The following LHFPL1 variants were observed in gnomAD, a reference collection of about 807,000 sequenced individuals.
LHFPL1 encodes LHFPL tetraspan subfamily member 1, also known as LHFPL tetraspan subfamily member 1 protein.
LHFPL1 carries 4 observed loss-of-function variants against 12.1 expected under a neutral mutation model. The ratio of observed to expected loss-of-function variants is 0.33; its 90% CI spans 0.16 to 0.76. The LOEUF is 0.76. Ranked by LOEUF, LHFPL1 falls within the 30% of genes least tolerant of loss-of-function variation. LHFPL1 has a pLI of 0.61. For synonymous variants in LHFPL1, 52 were observed against 61.9 expected (o/e 0.84, Z 0.75); for missense variants, 141 against 174.1 (o/e 0.81, Z 1.07).
intron 3 of LHFPL1, among the ~76,000 whole-genome samples, chrX:112,647,408 A>T (rs1930723277): frequency 9.0e-6 from 1 of 110,752 alleles, no homozygotes; most frequent in Non-Finnish European, 1.9e-5. Flanking sequence ...ATGGGAGAAA[A>T]TTTTTGCAAT....
intron 3 of LHFPL1, among the ~76,000 whole-genome samples, chrX:112,646,696 A>G: frequency 1.8e-5 from 2 of 108,643 alleles, no homozygotes; most frequent in Middle Eastern, 9.5e-3. Flanking sequence ...TTCCTGATTT[A>G]TGTTTAATCT....
chrX:112,676,561 T>A (rs1390863576), intron 1 of LHFPL1, among the ~76,000 whole-genome samples: 1 of 112,300 alleles, frequency 8.9e-6, no homozygotes, highest in African/African-American at 3.2e-5. Context: ...GATAAAAATA[T>A]GAGTTCTGTT....
chrX:112,657,876 A>G (rs1052075449), intron 3 of LHFPL1, among the ~76,000 whole-genome samples: 1 of 106,776 alleles, frequency 9.4e-6, no homozygotes, highest in Admixed American at 1.0e-4. Context: ...GGATTTATCA[A>G]TGTATTCTTA....
At chrX:112,678,713 C>T (rs1931721856) in intron 1 of LHFPL1, among the ~76,000 whole-genome samples, 1 of 112,156 alleles carries the variant, frequency 8.9e-6, no homozygotes, top group Admixed American at 9.4e-5. Context: ...ACTTTCAATG[C>T]TTGTTCAAAA....
intron 3 of LHFPL1, among the ~76,000 whole-genome samples, chrX:112,654,878 A>G (rs770246383): frequency 8.9e-6 from 1 of 111,778 alleles, no homozygotes; most frequent in East Asian, 2.8e-4. Context: ...ACAATTGTTC[A>G]GAGCTCAGGT....
In LHFPL1 at chrX:112,660,240, G is replaced by A. The variant is rs756570698; in HGVS notation, c.481+387C>T. Among the ~76,000 whole-genome samples, 11 of 112,091 alleles carry A rather than the reference G, an allele frequency of 9.8e-5. No individual in the cohort carries two copies. The East Asian group carries it at 2.8e-3, about 29-fold the overall frequency. The stretch of plus-strand genomic sequence containing the variant: ...TGCTTCAGGTAAACTAAATAACCTC[G>A]TGTTACATCTTCAGTGGAGATTGAC... On this transcript the variant is annotated intron_variant, in intron 3 of 3. Transcript: ENST00000371968.
intron 2 of LHFPL1, among the ~76,000 whole-genome samples, chrX:112,668,362 T>A (rs1931396071): frequency 8.9e-6 from 1 of 112,123 alleles, no homozygotes; most frequent in South Asian, 3.7e-4. Flanking sequence ...CAGCCACCAG[T>A]CTCTAGAAAG....
intron 1 of LHFPL1, among the ~76,000 whole-genome samples, chrX:112,678,058 A>C (rs1931703840): frequency 1.8e-5 from 2 of 110,756 alleles, no homozygotes; most frequent in South Asian, 7.7e-4. Flanking sequence ...GCCAGAGACT[A>C]AGTGGAGAGA....
chrX:112,643,396 A>G (rs1023962366), intron 3 of LHFPL1, among the ~76,000 whole-genome samples: 9 of 109,183 alleles, frequency 8.2e-5, no homozygotes, highest in Admixed American at 3.9e-4. Flanking sequence ...AAAAAAAAAA[A>G]AAAGAAAAAG....
intron 2 of LHFPL1, chrX:112,661,904 G>A (rs1368351243): frequency 8.9e-6 from 1 of 112,220 alleles, no homozygotes; most frequent in Non-Finnish European, 1.9e-5. Context: ...TCAAAGTTAT[G>A]AGTGAGTATC....
At chrX:112,639,786 T>C (rs1234775506) in intron 3 of LHFPL1, among the ~76,000 whole-genome samples, 1 of 112,286 alleles carries the variant, frequency 8.9e-6, no homozygotes, top group African/African-American at 3.2e-5. Flanking sequence ...TCTAGGTCTT[T>C]CTCCAGATTT....
chrX:112,665,908 C>A (rs1166209684), intron 2 of LHFPL1, among the ~76,000 whole-genome samples: 1 of 111,792 alleles, frequency 8.9e-6, no homozygotes, highest in Non-Finnish European at 1.9e-5. Context: ...TTACTAATTG[C>A]CCATATCCCA....
intron 3 of LHFPL1, among the ~76,000 whole-genome samples, chrX:112,636,192 G>A (rs750340397): frequency 1.8e-5 from 2 of 111,187 alleles, no homozygotes; most frequent in African/African-American, 3.3e-5. Context: ...GGTATGAGGG[G>A]AGGTTGCTTT....
intron 2 of LHFPL1, among the ~76,000 whole-genome samples, chrX:112,665,600 T>A (rs776810167): frequency 8.9e-6 from 1 of 112,069 alleles, no homozygotes; most frequent in South Asian, 3.7e-4. Context: ...TTTACTCCCC[T>A]ACTACACGTG....
intron 2 of LHFPL1, among the ~76,000 whole-genome samples, chrX:112,661,040 C>T (rs1301343089): frequency 1.8e-5 from 2 of 112,046 alleles, no homozygotes; most frequent in Admixed American, 9.5e-5. Context: ...GCTTTTCCAA[C>T]CTCTTTTGCC....
At chrX:112,663,007 C>T (rs536502721) in intron 2 of LHFPL1, among the ~76,000 whole-genome samples, 4 of 111,755 alleles carry the variant, frequency 3.6e-5, no homozygotes, top group African/African-American at 9.7e-5. Flanking sequence ...GGGACTGGCA[C>T]GAACTCTGCC....
intron 1 of LHFPL1, among the ~76,000 whole-genome samples, chrX:112,676,651 G>C (rs1931662587): frequency 8.9e-6 from 1 of 111,850 alleles, no homozygotes; most frequent in South Asian, 3.8e-4. Flanking sequence ...CAGCCTCGTG[G>C]GTAGAAGTCA....
intron 1 of LHFPL1, among the ~76,000 whole-genome samples, chrX:112,679,002 T>C (rs750126351): frequency 8.9e-6 from 1 of 111,744 alleles, no homozygotes; most frequent in Non-Finnish European, 1.9e-5. Flanking sequence ...ATCTGCACTA[T>C]ACCTAACACC....
chrX:112,667,862 T>C (rs1333394433), intron 2 of LHFPL1, among the ~76,000 whole-genome samples: 1 of 110,083 alleles, frequency 9.1e-6, no homozygotes, highest in Non-Finnish European at 1.9e-5. Flanking sequence ...TTGCTGAGTA[T>C]GAGTCAGGCC....
Sources: allele counts gnomAD v4.1 joint callset (sites outside exome capture counted in the v4.1 genomes callset), GRCh38; gene constraint gnomAD v4.1.1; transcripts MANE v1.5; gene names NCBI Gene and HGNC (gene_info 2026-07-23, HGNC 2026-07-21).